The following INPP5D variants were observed in gnomAD, a reference collection of about 807,000 sequenced individuals.
INPP5D encodes inositol polyphosphate-5-phosphatase D.
A neutral mutation model predicts 122.9 loss-of-function variants in INPP5D; 33 were observed. The ratio of observed to expected loss-of-function variants is 0.27; its 90% CI spans 0.20 to 0.36. The LOEUF is 0.36. Among genes scored for constraint, INPP5D ranks in the 10% least tolerant of loss-of-function variants. The pLI, the probability that INPP5D is intolerant of heterozygous loss-of-function variation, is 1.00. For missense variants in INPP5D, 1,053 were observed against 1,412.7 expected (o/e 0.75, Z 4.08); for synonymous variants, 584 against 576.2 (o/e 1.01, Z -0.19).
In INPP5D at chr2:233,086,129, CTTT is replaced by C. The variant is rs2106216776; in HGVS notation, c.198+6732_198+6734del. ...TAGGGATAAGATAGCCTCTTTCTTT[CTTT>C]CTTTCTTTCTTTCTTTCTTTCTTTC... is the stretch of plus-strand genomic sequence containing the variant. On this transcript the variant is annotated intron_variant, in intron 2 of 26. Coordinates refer to ENST00000445964, the MANE Select transcript of INPP5D (RefSeq NM_001017915.3). 2.7e-5 allele frequency among the ~76,000 whole-genome samples: 3 copies of C among 111,062 alleles called. 1 individual carries two copies. Among genetic ancestry groups the C allele is most frequent in the African/African-American group, 1.1e-4 (3 of 27,030 alleles). 72.9% of individuals were successfully genotyped at this position (111,062 alleles called of 152,430 possible). A position where few individuals can be genotyped will look rare whatever the true frequency, so the allele number is the denominator to read the frequency against.
In INPP5D at chr2:233,206,536, A is replaced by AT. The variant is rs1695509908; in HGVS notation, c.3568-163dup. 6.6e-6 allele frequency among the ~76,000 whole-genome samples: 1 copy of AT among 152,048 alleles called. No homozygotes were observed. Among genetic ancestry groups the AT allele is most frequent in the Non-Finnish European group, 1.5e-5 (1 of 68,008 alleles). ...AGTAAGACCCCATTTCTAAAAAACA[A>AT]TTTTTTTAAATAAGCAGGTAAAGTA... On this transcript the variant is annotated intron_variant, in intron 26 of 26. Transcript: ENST00000445964. This position sits in a 1 kb window ranked among gnomAD's most constrained non-coding sequence, Gnocchi z 4.0.
chr2:233,169,921 C>A (rs1694446844), intron 14 of INPP5D, 105 bp from the exon 15 acceptor site: 3 of 1,571,408 alleles, frequency 1.9e-6, no homozygotes, highest in Non-Finnish European at 2.6e-6. Flanking sequence ...CTTCCCCCCA[C>A]CTGCTATGCT....
intron 18 of INPP5D, among the ~76,000 whole-genome samples, chr2:233,178,557 C>T (rs925905316): frequency 6.6e-6 from 1 of 151,876 alleles, no homozygotes; most frequent in African/African-American, 2.4e-5. Flanking sequence ...ATCTCGGCTC[C>T]CTGCAACCTC....
intron 17 of INPP5D, among the ~76,000 whole-genome samples, chr2:233,171,998 G>A (rs189106311): frequency 6.6e-6 from 1 of 152,366 alleles, no homozygotes; most frequent in East Asian, 1.9e-4. Flanking sequence ...AGAACTGGAC[G>A]TGGGAGAGGA....
chr2:233,122,343 C>G, intron 3 of INPP5D, 86 bp downstream of exon 3: 1 of 1,395,084 alleles, frequency 7.2e-7, no homozygotes, highest in South Asian at 1.3e-5. Flanking sequence ...TAGGTGAGTC[C>G]TATTATCAGA....
chr2:233,159,298 A>G (rs1037971865), intron 10 of INPP5D, among the ~76,000 whole-genome samples: 2 of 152,210 alleles, frequency 1.3e-5, no homozygotes, highest in Non-Finnish European at 1.5e-5. Flanking sequence ...AAAACCTATC[A>G]TCGTGAACCT....
chr2:233,171,255 A>G (rs531373272), intron 17 of INPP5D, 103 bp downstream of exon 17: 2 of 1,487,890 alleles, frequency 1.3e-6, no homozygotes, highest in Non-Finnish European at 9.0e-7. Flanking sequence ...TAGGCAAAAA[A>G]AAAAGGAAAG....
chr2:233,203,500 C>CT (rs1695394431), intron 25 of INPP5D, among the ~76,000 whole-genome samples: 1 of 152,226 alleles, frequency 6.6e-6, no homozygotes, highest in African/African-American at 2.4e-5. Flanking sequence ...CTGAGGCTGT[C>CT]TTTGAGGACA....
chr2:233,163,564 T>C, intron 11 of INPP5D, 143 bp from the exon 12 acceptor site: 1 of 1,445,406 alleles, frequency 6.9e-7, no homozygotes, highest in Non-Finnish European at 9.3e-7. Context: ...CAGGCCTCCA[T>C]TGCAGGCATT....
At position 233,127,560 on chromosome 2, in the gene INPP5D, G is replaced by T. The variant is rs111470212; in HGVS notation, c.524+1641G>T. On this transcript the variant is annotated intron_variant, in intron 4 of 26. Transcript: ENST00000445964. ...ATTATCACATTTCTAAGTAAAATTAGCCTTCTCAAATAAACATAGTTTACA... is the reference window on the plus strand; with the variant it reads ...ATTATCACATTTCTAAGTAAAATTATCCTTCTCAAATAAACATAGTTTACA... Among the ~76,000 whole-genome samples, 1,406 of 152,312 alleles carry T rather than the reference G, an allele frequency of 9.2e-3. 7 individuals carry two copies. Among genetic ancestry groups the T allele is most frequent in the African/African-American group, 0.013 (532 of 41,570 alleles).
chr2:233,096,975 G>C (rs4973602), intron 2 of INPP5D, among the ~76,000 whole-genome samples: 1 of 152,004 alleles, frequency 6.6e-6, no homozygotes, highest in Non-Finnish European at 1.5e-5. Context: ...TAGGGAAAAT[G>C]CTATTTTCTT....
At chr2:233,139,592 T>C (rs1693591063) in intron 5 of INPP5D, among the ~76,000 whole-genome samples, 1 of 151,778 alleles carries the variant, frequency 6.6e-6, no homozygotes, top group Non-Finnish European at 1.5e-5. Flanking sequence ...GGCTATAGAG[T>C]GCAGTTTGGC....
chr2:233,074,529 A>G (rs1279197098), intron 1 of INPP5D, among the ~76,000 whole-genome samples: 2 of 152,100 alleles, frequency 1.3e-5, no homozygotes, highest in African/African-American at 2.4e-5. Context: ...GTGATTCTTC[A>G]AGGTTTGGAG....
chr2:233,118,021 G>A (rs1452102485), intron 2 of INPP5D, among the ~76,000 whole-genome samples: 1 of 152,212 alleles, frequency 6.6e-6, no homozygotes, highest in Admixed American at 6.5e-5. Flanking sequence ...GCACAGCCAT[G>A]AGCAGACCTG....
chr2:233,187,529 C>T (rs1294030814), intron 21 of INPP5D, among the ~76,000 whole-genome samples: 3 of 152,196 alleles, frequency 2.0e-5, no homozygotes, highest in East Asian at 3.9e-4. Flanking sequence ...GGGGCTGGAC[C>T]CACATTGGCA....
chr2:233,085,629 G>GTTT (rs1266323125), intron 2 of INPP5D, among the ~76,000 whole-genome samples: 1 of 152,120 alleles, frequency 6.6e-6, no homozygotes, highest in African/African-American at 2.4e-5. Flanking sequence ...AGGTCTTTGA[G>GTTT]TAAGTTTTTA....
chr2:233,186,014 G>C (rs1487471590), intron 21 of INPP5D, 89 bp downstream of exon 21: 2 of 1,367,396 alleles, frequency 1.5e-6, no homozygotes, highest in African/African-American at 3.0e-5. Flanking sequence ...GGCCAGGCCT[G>C]ACCAGAGGAA....
chr2:233,085,725 T>G (rs1173822354), intron 2 of INPP5D, among the ~76,000 whole-genome samples: 2 of 152,164 alleles, frequency 1.3e-5, no homozygotes, highest in African/African-American at 4.8e-5. Context: ...TACACATGCC[T>G]TTGTGACTGA....
chr2:233,109,512 G>A (rs1170379287), intron 2 of INPP5D, among the ~76,000 whole-genome samples: 1 of 152,180 alleles, frequency 6.6e-6, no homozygotes, highest in Non-Finnish European at 1.5e-5. Context: ...GAAGTATATA[G>A]ACTGGGAATG....
Sources: gnomAD v4.1 joint callset for allele counts (sites outside exome capture counted in the v4.1 genomes callset) on GRCh38, gnomAD v4.1.1 for gene constraint, Gnocchi (gnomAD v3.1) non-coding constraint, MANE v1.5 for transcripts, NCBI Gene and HGNC (gene_info 2026-07-23, HGNC 2026-07-21) for gene names.